Variants in OXR1 observed in about 807,000 individuals in gnomAD.
OXR1 encodes the protein oxidation resistance protein 1.
In OXR1, 41 loss-of-function variants were observed where a neutral mutation model predicts 104.6. The ratio of observed to expected loss-of-function variants is 0.39; its 90% CI spans 0.31 to 0.51. The LOEUF (loss-of-function observed/expected upper bound fraction) is 0.51, where lower values mean the gene tolerates loss of function less well. OXR1 is among the 20% of genes least tolerant of loss of function. The pLI, the probability that OXR1 is intolerant of heterozygous loss-of-function variation, is 0.77. For missense variants in OXR1, 955 were observed against 1,031.9 expected (o/e 0.93, Z 1.02); for synonymous variants, 348 against 348.4 (o/e 1.00, Z 0.01).
rs118091035 is a variant in OXR1, at chr8:106,433,945, G to A, written c.23+74309G>A. Among the ~76,000 whole-genome samples, 93 of 152,250 alleles carry A rather than the reference G, an allele frequency of 6.1e-4. 2 individuals carry two copies. In the East Asian group the frequency reaches 0.015, roughly 25 times the overall value. Reference sequence around the variant, plus strand: ...TCTTTCACTTAACAATTACATTCATGATAATAGTGATTGCGTTTAAATTAT... The same window carrying A: ...TCTTTCACTTAACAATTACATTCATAATAATAGTGATTGCGTTTAAATTAT... On this transcript the variant is annotated intron_variant, in intron 2 of 16. Transcript: ENST00000517566.
intron 1 of OXR1, among the ~76,000 whole-genome samples, chr8:106,318,825 C>A (rs569879722): frequency 6.6e-6 from 1 of 152,248 alleles, no homozygotes; most frequent in South Asian, 2.1e-4. Context: ...ATCTTTTAAT[C>A]ATTAGAGCCC....
At chr8:106,613,008 G>T (rs1242335082) in intron 3 of OXR1, among the ~76,000 whole-genome samples, 1 of 152,112 alleles carries the variant, frequency 6.6e-6, no homozygotes, top group East Asian at 1.9e-4. Context: ...AGTCAGTGCA[G>T]CTCAGGGAAA....
At chr8:106,714,762 A>T (rs1020104191) in intron 11 of OXR1, among the ~76,000 whole-genome samples, 3 of 152,074 alleles carry the variant, frequency 2.0e-5, no homozygotes, top group African/African-American at 7.2e-5. Context: ...ATGTAATCAA[A>T]TTTTTTTATT....
chr8:106,388,710 C>A (rs1460759255), intron 2 of OXR1, among the ~76,000 whole-genome samples: 2 of 152,226 alleles, frequency 1.3e-5, no homozygotes, highest in Non-Finnish European at 2.9e-5. Flanking sequence ...GCGTGAGCCA[C>A]CTTGCCCAGC....
At chr8:106,608,527 G>A (rs1820573824) in intron 3 of OXR1, among the ~76,000 whole-genome samples, 1 of 152,108 alleles carries the variant, frequency 6.6e-6, no homozygotes, top group South Asian at 2.1e-4. Flanking sequence ...GTGGCTTGTG[G>A]ATTAATCCAG....
At chr8:106,743,220 A>T (rs1037575368) in intron 15 of OXR1, among the ~76,000 whole-genome samples, 1 of 152,206 alleles carries the variant, frequency 6.6e-6, no homozygotes, top group Non-Finnish European at 1.5e-5. Context: ...TATCAAAACC[A>T]CAATGAGGTA....
At chr8:106,321,688 C>A (rs1563716669) in intron 1 of OXR1, among the ~76,000 whole-genome samples, 2 of 152,226 alleles carry the variant, frequency 1.3e-5, no homozygotes, top group Non-Finnish European at 2.9e-5. Context: ...GATTCTACCC[C>A]AAAGTGCATT....
At chr8:106,549,413 TATTA>T (rs1344359317) in intron 3 of OXR1, among the ~76,000 whole-genome samples, 1 of 152,186 alleles carries the variant, frequency 6.6e-6, no homozygotes, top group Admixed American at 6.5e-5. Flanking sequence ...AAATATTGAA[TATTA>T]GCAAATATGT....
At chr8:106,402,551 T>C (rs1411455111) in intron 2 of OXR1, among the ~76,000 whole-genome samples, 3 of 152,190 alleles carry the variant, frequency 2.0e-5, no homozygotes, top group Non-Finnish European at 2.9e-5. Flanking sequence ...GGTCACCTGA[T>C]ATCCATAAGC....
intron 3 of OXR1, among the ~76,000 whole-genome samples, chr8:106,600,124 A>G (rs73311251): frequency 1.3e-4 from 20 of 152,328 alleles, no homozygotes; most frequent in African/African-American, 4.8e-4. Flanking sequence ...CCTGCCTTAG[A>G]GAGTCCAAGA....
intron 3 of OXR1, among the ~76,000 whole-genome samples, chr8:106,582,824 A>G (rs1226298731): frequency 6.6e-6 from 1 of 152,106 alleles, no homozygotes; most frequent in East Asian, 1.9e-4. Context: ...TTCCTTATCA[A>G]TTGTCTTATA....
At chr8:106,515,128 A>G (rs938386132) in intron 2 of OXR1, among the ~76,000 whole-genome samples, 1 of 152,126 alleles carries the variant, frequency 6.6e-6, no homozygotes, top group Admixed American at 6.6e-5. Context: ...CTGGAAAGCC[A>G]TGCTGGTCCA....
intron 3 of OXR1, among the ~76,000 whole-genome samples, chr8:106,653,825 T>C (rs2131031836): frequency 1.3e-5 from 2 of 152,094 alleles, no homozygotes; most frequent in Admixed American, 1.3e-4. Flanking sequence ...CATGTACTTA[T>C]ATAGAGAAAA....
At chr8:106,359,736 C>T in intron 2 of OXR1, 100 bp downstream of exon 2, 1 of 869,540 alleles carries the variant, frequency 1.2e-6, no homozygotes, top group Non-Finnish European at 1.9e-6. Flanking sequence ...AGAGAGAAAA[C>T]TTAAAAATCT....
intron 2 of OXR1, among the ~76,000 whole-genome samples, chr8:106,399,101 T>C (rs1268755558): frequency 6.6e-6 from 1 of 152,154 alleles, no homozygotes; most frequent in Non-Finnish European, 1.5e-5. Flanking sequence ...TACTGAAATG[T>C]TGTGAAGTTT....
chr8:106,415,511 G>C (rs989630248), intron 2 of OXR1, among the ~76,000 whole-genome samples: 1 of 151,844 alleles, frequency 6.6e-6, no homozygotes, highest in Non-Finnish European at 1.5e-5. Context: ...GTGTGTGTGT[G>C]TGTGTCTGTG....
chr8:106,410,354 A>G (rs887285501), intron 2 of OXR1, among the ~76,000 whole-genome samples: 40 of 152,256 alleles, frequency 2.6e-4, no homozygotes, highest in African/African-American at 7.2e-4. Flanking sequence ...TTGCTTTTCT[A>G]ATCAAATCCA....
chr8:106,286,738 C>T (rs1003860463), intron 1 of OXR1, among the ~76,000 whole-genome samples: 1 of 152,098 alleles, frequency 6.6e-6, no homozygotes, highest in Non-Finnish European at 1.5e-5. Context: ...CATTTGAAAT[C>T]CATGGATACA....
intron 10 of OXR1, among the ~76,000 whole-genome samples, chr8:106,712,865 T>A (rs533416817): frequency 3.4e-4 from 52 of 152,150 alleles, no homozygotes; most frequent in African/African-American, 1.2e-3. Context: ...AAAAATTTAG[T>A]TTTTCTCATT....
Sources: allele counts gnomAD v4.1 joint callset (sites outside exome capture counted in the v4.1 genomes callset), GRCh38; gene constraint gnomAD v4.1.1; transcripts MANE v1.5; gene names NCBI Gene and HGNC (gene_info 2026-07-23, HGNC 2026-07-21).